FER: variants seen among roughly 807,000 people sequenced by gnomAD.
The protein encoded by FER is tyrosine-protein kinase Fer.
Under a neutral mutation model 111.0 loss-of-function variants are expected in FER, and 63 were observed. The ratio of observed to expected loss-of-function variants is 0.57; its 90% confidence interval spans 0.46 to 0.70. The LOEUF (loss-of-function observed/expected upper bound fraction) is 0.70. Ranked by LOEUF, FER falls within the 30% of genes least tolerant of loss-of-function variation. The pLI is 0.00. For missense variants in FER, 914 were observed against 954.0 expected (o/e 0.96, Z 0.55); for synonymous variants, 327 against 313.9 (o/e 1.04, Z -0.44).
chr5:108,863,735 T>G (rs1026725123), intron 5 of FER, among the ~76,000 whole-genome samples: 2 of 152,138 alleles, frequency 1.3e-5, no homozygotes, highest in Non-Finnish European at 1.5e-5. Context: ...TCAAATAGAT[T>G]AGAATTTTTG....
In FER at chr5:109,106,867, G is replaced by A. The variant is rs546076591; in HGVS notation, c.2048+6348G>A. Among the ~76,000 whole-genome samples the A allele has an allele frequency of 4.6e-5, 7 of 152,260 alleles. No homozygotes were observed. In the East Asian group the frequency reaches 1.2e-3, roughly 25 times the overall value. ...AATTAACATCTTGGCTTGGGTTAAT[G>A]TACCAGCATATCTAGCTGCTACTTT... is the stretch of plus-strand genomic sequence containing the variant. On this transcript the variant is annotated intron_variant, in intron 17 of 19. Transcript: ENST00000281092.
intron 9 of FER, among the ~76,000 whole-genome samples, chr5:108,884,646 C>T (rs1235409748): frequency 6.6e-6 from 1 of 151,706 alleles, no homozygotes; most frequent in African/African-American, 2.4e-5. Flanking sequence ...ATACTTAAGT[C>T]TTGACTCCGA....
intron 10 of FER, among the ~76,000 whole-genome samples, chr5:108,900,319 G>T (rs751585078): frequency 2.0e-4 from 30 of 152,158 alleles, no homozygotes; most frequent in South Asian, 8.3e-4. Context: ...GTGTAATTCA[G>T]TTTTTCAATT....
In FER at chr5:109,194,853, T is replaced by C. The variant is rs1319798657; in HGVS notation, c.*7278T>C. 1 of 152,168 alleles carries C rather than the reference T, an allele frequency of 6.6e-6. No homozygotes were observed. Among genetic ancestry groups the C allele is most frequent in the East Asian group, 1.9e-4 (1 of 5,190 alleles). 9.4% of individuals were successfully genotyped at this position (152,168 alleles called of 1,614,324 possible). On this transcript the variant is annotated 3_prime_UTR_variant, in exon 20 of 20. Coordinates refer to ENST00000281092, the MANE Select transcript of FER (RefSeq NM_005246.4). ...AAATAGTATAACCTTGGTGTCTTCT[T>C]TGAGTTGCCTGGACAGTATTTATGA... is the stretch of plus-strand genomic sequence containing the variant.
chr5:109,093,736 G>T (rs1747121198), intron 16 of FER, among the ~76,000 whole-genome samples: 1 of 152,062 alleles, frequency 6.6e-6, no homozygotes, highest in South Asian at 2.1e-4. Flanking sequence ...ATGTAAGGAA[G>T]CTTGAATTGA....
At chr5:108,945,525 T>G (rs1456237154) in intron 10 of FER, among the ~76,000 whole-genome samples, 2 of 152,076 alleles carry the variant, frequency 1.3e-5, no homozygotes, top group African/African-American at 2.4e-5. Flanking sequence ...GGATTGGTGG[T>G]AGGTATGTCT....
At chr5:108,976,543 C>A (rs929136827) in intron 13 of FER, among the ~76,000 whole-genome samples, 1 of 152,008 alleles carries the variant, frequency 6.6e-6, no homozygotes, top group Admixed American at 6.6e-5. Flanking sequence ...GGGTGCTGAC[C>A]CCCTGCATAG....
chr5:108,791,555 A>G (rs998328074), intron 2 of FER, among the ~76,000 whole-genome samples: 9 of 144,182 alleles, frequency 6.2e-5, no homozygotes, highest in Non-Finnish European at 1.2e-4. Context: ...ACACACACAT[A>G]TGTGTATATA....
At chr5:108,865,846 C>T (rs1259597296) in intron 5 of FER, among the ~76,000 whole-genome samples, 1 of 152,208 alleles carries the variant, frequency 6.6e-6, no homozygotes, top group East Asian at 1.9e-4. Flanking sequence ...TGCTCACCAT[C>T]ACTGGCCATC....
intron 5 of FER, chr5:108,842,587 T>C (rs1761376492): frequency 6.6e-6 from 1 of 152,046 alleles, no homozygotes; most frequent in African/African-American, 2.4e-5. Flanking sequence ...TGAATAGACA[T>C]GAATAGACAA....
intron 2 of FER, among the ~76,000 whole-genome samples, chr5:108,787,400 G>T (rs7734520): frequency 0.13 from 19,033 of 152,096 alleles, 1,972 homozygotes; most frequent in African/African-American, 0.29. Context: ...GCCGTGGATG[G>T]CATGTTAAAG....
rs531232585 is a variant in FER, at chr5:109,026,743, A to G, written c.1657-10679A>G. On this transcript the variant is annotated intron_variant, in intron 13 of 19. Transcript: ENST00000281092. Reference sequence around the variant, plus strand: ...GCCTGAGCTGGAGTACAGTGGCCCAATCTTGGCTCACTGCAACTTCCGCCT... The same window carrying G: ...GCCTGAGCTGGAGTACAGTGGCCCAGTCTTGGCTCACTGCAACTTCCGCCT... 1.2e-3 allele frequency among the ~76,000 whole-genome samples: 182 copies of G among 152,182 alleles called. 1 individual carries two copies. The highest frequency in any genetic ancestry group is 4.2e-3 in the African/African-American group (175 of 41,538).
At chr5:108,974,959 G>A (rs2149707164) in intron 13 of FER, among the ~76,000 whole-genome samples, 1 of 152,294 alleles carries the variant, frequency 6.6e-6, no homozygotes, top group Middle Eastern at 3.4e-3. Flanking sequence ...AAAGACACAT[G>A]CATATGTGTG....
chr5:109,167,569 C>T (rs540742935), intron 17 of FER, among the ~76,000 whole-genome samples: 1 of 152,248 alleles, frequency 6.6e-6, no homozygotes, highest in South Asian at 2.1e-4. Flanking sequence ...AGATTCATTA[C>T]CATTTGTGCC....
At position 109,037,430 on chromosome 5, in the gene FER, A is replaced by G; in HGVS notation, c.1665A>G (p.Lys555=). ...CTTATTCTTTGCTGTAGGACAAGAA[A>G]TGGATTCTCAGTCATGAAGATGTCA... ...VLLNPIPKDK[K]WILSHEDVIL... The change falls in exon 14 of 20, where the codon AAA becomes AAG. Residue 555 remains lysine, a synonymous_variant. Transcript: ENST00000281092. The G allele has an allele frequency of 1.2e-6, 2 of 1,611,754 alleles. No individual in the cohort carries two copies. The highest frequency in any genetic ancestry group is 1.7e-5 in the Admixed American group (1 of 59,920).
At chr5:108,772,316 G>GTCTGTATATATATATATACACATATA (rs1752987780) in intron 2 of FER, among the ~76,000 whole-genome samples, 1 of 140,350 alleles carries the variant, frequency 7.1e-6, no homozygotes, top group Non-Finnish European at 1.5e-5. Context: ...ATATATATAT[G>GTCTGTATATATATATATACACATATA]TATGTATATA....
chr5:108,863,019 A>G (rs1334508243), intron 5 of FER, among the ~76,000 whole-genome samples: 1 of 152,160 alleles, frequency 6.6e-6, no homozygotes, highest in Non-Finnish European at 1.5e-5. Context: ...TGTCAGCTCC[A>G]TGTAGGAGCC....
chr5:109,016,628 G>A (rs952899951), intron 13 of FER, among the ~76,000 whole-genome samples: 2 of 151,954 alleles, frequency 1.3e-5, no homozygotes, highest in East Asian at 1.9e-4. Context: ...ATTGTAGGTC[G>A]CTTGTCAAAC....
chr5:108,900,770 A>G (rs531906558), intron 10 of FER, among the ~76,000 whole-genome samples: 3 of 152,302 alleles, frequency 2.0e-5, no homozygotes, highest in Middle Eastern at 3.4e-3. Flanking sequence ...ATTCTTATAA[A>G]GGTTCCAAAT....
Sources: allele counts gnomAD v4.1 joint callset (sites outside exome capture counted in the v4.1 genomes callset), GRCh38; gene constraint gnomAD v4.1.1; transcripts MANE v1.5; gene names NCBI Gene and HGNC (gene_info 2026-07-23, HGNC 2026-07-21).